ASIC2: variants seen among roughly 807,000 people sequenced by gnomAD.
The protein encoded by ASIC2 is acid-sensing ion channel 2.
Under a neutral mutation model 57.3 loss-of-function variants are expected in ASIC2, and 25 were observed. The ratio of observed to expected loss-of-function variants is 0.44; its 90% CI spans 0.32 to 0.61. ASIC2 has a LOEUF of 0.61. ASIC2 is among the 20% of genes least tolerant of loss of function. The probability of loss-of-function intolerance (pLI) is 0.06; values close to 1 mark genes in which losing one functional copy is unlikely to be tolerated. For missense variants in ASIC2, 641 were observed against 738.1 expected (o/e 0.87, Z 1.52); for synonymous variants, 319 against 307.5 (o/e 1.04, Z -0.39).
chr17:33,793,661 T>C (rs1391632664), intron 1 of ASIC2: 1 of 152,258 alleles, frequency 6.6e-6, no homozygotes, highest in East Asian at 1.9e-4. Context: ...AATCCATGTA[T>C]TCTTGCTTCA....
intron 1 of ASIC2, among the ~76,000 whole-genome samples, chr17:33,265,027 A>G (rs1422843814): frequency 6.6e-6 from 1 of 152,222 alleles, no homozygotes; most frequent in African/African-American, 2.4e-5. Flanking sequence ...GAGAATAAAG[A>G]AGGAGCTAAA....
chr17:34,020,417 C>T (rs1263183870), intron 1 of ASIC2, among the ~76,000 whole-genome samples: 2 of 152,184 alleles, frequency 1.3e-5, no homozygotes, highest in African/African-American at 4.8e-5. Flanking sequence ...CTGAGTTGGG[C>T]TCTGGTGGGG....
intron 1 of ASIC2, among the ~76,000 whole-genome samples, chr17:33,798,696 G>A (rs1006077361): frequency 6.6e-6 from 1 of 152,118 alleles, no homozygotes; most frequent in Non-Finnish European, 1.5e-5. Flanking sequence ...CACATCCCTG[G>A]TTTTTCAATA....
chr17:34,098,298 G>A (rs548357413), intron 1 of ASIC2, among the ~76,000 whole-genome samples: 4 of 152,148 alleles, frequency 2.6e-5, no homozygotes, highest in Admixed American at 6.5e-5. Context: ...TGACTTAACA[G>A]CTTGCAGAAA....
At chr17:33,392,188 T>C (rs775085474) in intron 1 of ASIC2, among the ~76,000 whole-genome samples, 21 of 29,952 alleles carry the variant, frequency 7.0e-4, no homozygotes, top group African/African-American at 1.8e-3. Flanking sequence ...CCTTCCTTCC[T>C]TCCTTCCCTC....
chr17:33,685,914 AGCTGAGTG>A (rs1301489320), intron 1 of ASIC2, among the ~76,000 whole-genome samples: 2 of 152,184 alleles, frequency 1.3e-5, no homozygotes, highest in Non-Finnish European at 2.9e-5. Flanking sequence ...GCCTGTTCTC[AGCTGAGTG>A]GCTGCTGCTC....
At chr17:33,739,078 G>C (rs1036849257) in intron 1 of ASIC2, among the ~76,000 whole-genome samples, 10 of 152,234 alleles carry the variant, frequency 6.6e-5, no homozygotes, top group Admixed American at 5.9e-4. Flanking sequence ...CAGTGCTGTG[G>C]TGATGCATTC....
intron 1 of ASIC2, among the ~76,000 whole-genome samples, chr17:33,210,728 C>T (rs946406956): frequency 6.6e-6 from 1 of 152,204 alleles, no homozygotes; most frequent in Non-Finnish European, 1.5e-5. Context: ...AAAGCCTCAC[C>T]CTTCATAACA....
chr17:34,120,028 C>A (rs1334081175), intron 1 of ASIC2: 1 of 152,222 alleles, frequency 6.6e-6, no homozygotes, highest in African/African-American at 2.4e-5. Context: ...TCCTGTGCAC[C>A]CCTGACCTCA....
rs77124239 is a variant in ASIC2, at chr17:33,695,903, A to T, written c.555+460075T>A. Among the ~76,000 whole-genome samples, 18 of 152,316 alleles carry T rather than the reference A, an allele frequency of 1.2e-4. No homozygotes were observed. The East Asian group carries it at 3.5e-3, about 29-fold the overall frequency. Reference sequence around the variant, plus strand: ...TACTAATTTACTTATTATGTTTTGAAATTTTCATTTAAATGTTATCATAAT... The same window carrying T: ...TACTAATTTACTTATTATGTTTTGATATTTTCATTTAAATGTTATCATAAT... On this transcript the variant is annotated intron_variant, in intron 1 of 9. Coordinates refer to the ASIC2 transcript ENST00000359872.
At chr17:33,219,508 C>T (rs1295907956) in intron 1 of ASIC2, among the ~76,000 whole-genome samples, 1 of 152,220 alleles carries the variant, frequency 6.6e-6, no homozygotes. Flanking sequence ...ACAGTCATTG[C>T]TGTCTCCTCT....
intron 1 of ASIC2, among the ~76,000 whole-genome samples, chr17:33,697,579 A>G (rs970810771): frequency 6.6e-6 from 1 of 152,186 alleles, no homozygotes; most frequent in African/African-American, 2.4e-5. Context: ...TACTTCATTC[A>G]CATTCCTTTC....
At chr17:33,300,360 C>T (rs1905905400) in intron 1 of ASIC2, among the ~76,000 whole-genome samples, 1 of 151,484 alleles carries the variant, frequency 6.6e-6, no homozygotes. Flanking sequence ...CCTTTGGCAC[C>T]TCATTTCAAC....
At chr17:33,943,354 A>C (rs1031991253) in intron 1 of ASIC2, among the ~76,000 whole-genome samples, 1 of 152,186 alleles carries the variant, frequency 6.6e-6, no homozygotes, top group African/African-American at 2.4e-5. Flanking sequence ...CCTATACCGC[A>C]TGTTTCAAGA....
intron 2 of ASIC2, among the ~76,000 whole-genome samples, chr17:33,104,591 A>G (rs544331901): frequency 6.6e-6 from 1 of 152,312 alleles, no homozygotes; most frequent in South Asian, 2.1e-4. Context: ...TCTACGTGGG[A>G]CTGCGCTAAA....
intron 1 of ASIC2, among the ~76,000 whole-genome samples, chr17:33,768,541 A>G (rs1911002152): frequency 6.6e-6 from 1 of 152,144 alleles, no homozygotes; most frequent in Admixed American, 6.6e-5. Context: ...ATTCGCTTTA[A>G]CTCAATATCA....
chr17:34,085,887 C>A (rs1910095368), intron 1 of ASIC2, among the ~76,000 whole-genome samples: 1 of 151,200 alleles, frequency 6.6e-6, no homozygotes, highest in African/African-American at 2.4e-5. Context: ...TGGTGACATC[C>A]CCTTTATCAT....
At chr17:34,021,330 G>C (rs565685450) in intron 1 of ASIC2, among the ~76,000 whole-genome samples, 1 of 152,082 alleles carries the variant, frequency 6.6e-6, no homozygotes. Context: ...ATAAGTACTA[G>C]ACTTCAATCT....
rs1912857393 is a variant in ASIC2, at chr17:33,466,187, C to G, written c.556-354120G>C. Among the ~76,000 whole-genome samples, 9 of 152,174 alleles carry G rather than the reference C, an allele frequency of 5.9e-5. No individual in the cohort carries two copies. The South Asian group carries it at 1.9e-3, about 32-fold the overall frequency. On this transcript the variant is annotated intron_variant, in intron 1 of 9. Transcript: ENST00000359872. ...TGCAAAAATCACAAGCATTCTTATA[C>G]ACCAATAACAGACAAACAGAGAGCC...
Sources: allele counts gnomAD v4.1 joint callset (sites outside exome capture counted in the v4.1 genomes callset), GRCh38; gene constraint gnomAD v4.1.1; transcripts MANE v1.5; gene names NCBI Gene and HGNC (gene_info 2026-07-23, HGNC 2026-07-21).